TMEM161B: variants seen among roughly 807,000 people sequenced by gnomAD.
TMEM161B encodes transmembrane protein 161B.
A neutral mutation model predicts 61.8 loss-of-function variants in TMEM161B; 34 were observed. The ratio of observed to expected loss-of-function variants is 0.55; its 90% CI spans 0.42 to 0.73. TMEM161B has a LOEUF of 0.73. Ranked by LOEUF, TMEM161B falls within the 30% of genes least tolerant of loss-of-function variation. The pLI, the probability that TMEM161B is intolerant of heterozygous loss-of-function variation, is 0.00. For synonymous variants in TMEM161B, 167 were observed against 192.8 expected, an observed-to-expected ratio of 0.87 and a Z score of 1.11; for missense variants, 456 against 558.5, an observed-to-expected ratio of 0.82 and a Z score of 1.85.
At chr5:88,265,530 C>G (rs2112797945) in intron 1 of TMEM161B, among the ~76,000 whole-genome samples, 1 of 152,294 alleles carries the variant, frequency 6.6e-6, no homozygotes, top group Admixed American at 6.5e-5. Flanking sequence ...TACTCACTTG[C>G]CCACCACTCA....
intron 8 of TMEM161B, among the ~76,000 whole-genome samples, chr5:88,204,478 C>T (rs1192327622): frequency 1.3e-5 from 2 of 152,100 alleles, no homozygotes; most frequent in Non-Finnish European, 2.9e-5. Flanking sequence ...GGTAAACCAT[C>T]GGATGTGGGG....
At position 88,210,293 on chromosome 5, in the gene TMEM161B, G is replaced by C. The variant is rs561896656; in HGVS notation, c.447-3113C>G. 1.2e-4 allele frequency among the ~76,000 whole-genome samples: 19 copies of C among 152,154 alleles called. No homozygotes were observed. In the East Asian group the frequency reaches 3.5e-3, roughly 28 times the overall value. On this transcript the variant is annotated intron_variant, in intron 5 of 11. Coordinates refer to ENST00000296595, the MANE Select transcript of TMEM161B (RefSeq NM_153354.5). ...TTTAACATGTAATACCAAAAATATG[G>C]GAATGTATACAAAAACATATGGATC...
intron 5 of TMEM161B, among the ~76,000 whole-genome samples, chr5:88,209,196 A>G (rs1746201445): frequency 6.6e-6 from 1 of 152,192 alleles, no homozygotes; most frequent in African/African-American, 2.4e-5. Flanking sequence ...GGAAGAGCTT[A>G]CATATTAGAA....
chr5:88,267,116 AT>A (rs1411538478), intron 1 of TMEM161B, among the ~76,000 whole-genome samples: 1 of 152,184 alleles, frequency 6.6e-6, no homozygotes, highest in Non-Finnish European at 1.5e-5. Context: ...TTAATCTTAA[AT>A]TTAAAAAATG....
intron 1 of TMEM161B, among the ~76,000 whole-genome samples, chr5:88,253,439 T>C (rs565123539): frequency 3.3e-5 from 5 of 152,218 alleles, no homozygotes; most frequent in African/African-American, 1.2e-4. Flanking sequence ...CCGAACTAGT[T>C]TGACAAGGTT....
chr5:88,220,492 T>C lies in TMEM161B; in HGVS notation c.446+71A>G, dbSNP rs922786898. On this transcript the variant is annotated intron_variant, in intron 5 of 11. Coordinates refer to ENST00000296595, the MANE Select transcript of TMEM161B (RefSeq NM_153354.5). ...GTTATCTAATGACATAAAATCTTTC[T>C]CAAATCAGAGATGAGATCTAATGGT... is the stretch of plus-strand genomic sequence containing the variant. 11 of 1,234,500 alleles carry C rather than the reference T, an allele frequency of 8.9e-6. No homozygotes were observed. In the African/African-American group the frequency reaches 1.4e-4, roughly 16 times the overall value. The allele number at this position is 1,234,500 out of a possible 1,614,324, so 76.5% of individuals were successfully genotyped here. A position where few individuals can be genotyped will look rare whatever the true frequency, so the allele number is the denominator to read the frequency against.
intron 1 of TMEM161B, among the ~76,000 whole-genome samples, chr5:88,244,175 T>C (rs754638826): frequency 2.3e-4 from 35 of 152,014 alleles, no homozygotes; most frequent in Admixed American, 1.6e-3. Context: ...TTGCTGCAAT[T>C]GCTTTTGGCA....
rs930881623 is a variant in TMEM161B, at chr5:88,261,679, A to C, written c.3+7042T>G. ...CAGGCAATACAATGGAGAAAAAAAA[A>C]AAACAAACAAATTTCACCAAATGGT... On this transcript the variant is annotated intron_variant, in intron 1 of 11. Transcript: ENST00000296595. 2.6e-4 allele frequency among the ~76,000 whole-genome samples: 40 copies of C among 151,284 alleles called. 1 individual carries two copies. Among genetic ancestry groups the C allele is most frequent in the East Asian group, 3.9e-4 (2 of 5,152 alleles).
At chr5:88,216,260 A>G (rs777542574) in intron 5 of TMEM161B, among the ~76,000 whole-genome samples, 2 of 152,210 alleles carry the variant, frequency 1.3e-5, no homozygotes, top group Non-Finnish European at 2.9e-5. Context: ...GAAAAAAAAG[A>G]AAAGGCAATA....
intron 1 of TMEM161B, among the ~76,000 whole-genome samples, chr5:88,248,251 C>T (rs1332551169): frequency 1.3e-5 from 2 of 152,050 alleles, no homozygotes; most frequent in Admixed American, 1.3e-4. Context: ...GCCAATCAGC[C>T]CATTCTTCCC....
At chr5:88,210,947 G>A (rs910431880) in intron 5 of TMEM161B, among the ~76,000 whole-genome samples, 23 of 152,036 alleles carry the variant, frequency 1.5e-4, no homozygotes, top group Non-Finnish European at 2.9e-4. Flanking sequence ...AATACTTCAG[G>A]CTTTGTGGTC....
intron 2 of TMEM161B, among the ~76,000 whole-genome samples, chr5:88,238,744 T>G (rs1247962731): frequency 1.3e-5 from 2 of 152,024 alleles, no homozygotes; most frequent in African/African-American, 4.8e-5. Context: ...TATTATATAT[T>G]ACAAAAGGCT....
At position 88,249,528 on chromosome 5, in the gene TMEM161B, A is replaced by ACCCAAAAACTTTTTTTAAAACTCAG. The variant is rs1754056572; in HGVS notation, c.4-8637_4-8613dup. ...TGCACGTAGTTCCAATGGCAACTCA[A>ACCCAAAAACTTTTTTTAAAACTCAG]CCCAAAAACTTTTTTTAAAACTCAG... On this transcript the variant is annotated intron_variant, in intron 1 of 11. Transcript: ENST00000296595. Among the ~76,000 whole-genome samples the ACCCAAAAACTTTTTTTAAAACTCAG allele has an allele frequency of 1.2e-4, 18 of 152,212 alleles. No individual in the cohort carries two copies. In the South Asian group the frequency reaches 3.7e-3, roughly 32 times the overall value.
chr5:88,227,221 TAGC>T (rs2112571201), intron 3 of TMEM161B, among the ~76,000 whole-genome samples: 1 of 152,130 alleles, frequency 6.6e-6, no homozygotes, highest in East Asian at 1.9e-4. Context: ...TTGAACATAG[TAGC>T]TATAAATGGG....
chr5:88,243,519 C>T (rs1753087478), intron 1 of TMEM161B, among the ~76,000 whole-genome samples: 1 of 151,800 alleles, frequency 6.6e-6, no homozygotes, highest in Non-Finnish European at 1.5e-5. Context: ...AGGTTGATTC[C>T]ATGTCTTTGC....
intron 7 of TMEM161B, among the ~76,000 whole-genome samples, chr5:88,206,183 G>A (rs1464256954): frequency 6.6e-6 from 1 of 152,006 alleles, no homozygotes; most frequent in African/African-American, 2.4e-5. Flanking sequence ...ACATTCAACA[G>A]GGAATTGACA....
At chr5:88,223,637 C>T (rs1297004610) in intron 4 of TMEM161B, among the ~76,000 whole-genome samples, 2 of 152,158 alleles carry the variant, frequency 1.3e-5, no homozygotes, top group Non-Finnish European at 2.9e-5. Context: ...CCTGTAATCT[C>T]AGCACTTTGG....
chr5:88,244,698 T>C (rs1043416379), intron 1 of TMEM161B, among the ~76,000 whole-genome samples: 1 of 151,700 alleles, frequency 6.6e-6, no homozygotes, highest in Non-Finnish European at 1.5e-5. Flanking sequence ...GCAGTTTTGA[T>C]AGGAATAGCA....
At chr5:88,204,726 G>A (rs1240611237) in intron 8 of TMEM161B, among the ~76,000 whole-genome samples, 1 of 151,738 alleles carries the variant, frequency 6.6e-6, no homozygotes, top group Non-Finnish European at 1.5e-5. Flanking sequence ...AAGACGGGAT[G>A]CAGCCAAAAG....
Sources: allele counts gnomAD v4.1 joint callset (sites outside exome capture counted in the v4.1 genomes callset), GRCh38; gene constraint gnomAD v4.1.1; transcripts MANE v1.5; gene names NCBI Gene and HGNC (gene_info 2026-07-23, HGNC 2026-07-21).